Variants in WLS observed in about 807,000 individuals in gnomAD.
WLS encodes Wnt ligand secretion mediator.
Under a neutral mutation model 62.8 loss-of-function variants are expected in WLS, and 23 were observed. The observed-to-expected ratio is 0.37, with a 90% confidence interval of 0.26 to 0.52. WLS has a LOEUF of 0.52. WLS is among the 20% of genes least tolerant of loss of function. The pLI, the probability that WLS is intolerant of heterozygous loss-of-function variation, is 0.92. For missense variants in WLS, 615 were observed against 697.3 expected, an observed-to-expected ratio of 0.88 and a Z score of 1.33; for synonymous variants, 246 against 244.1, an observed-to-expected ratio of 1.01 and a Z score of -0.07.
At chr1:68,152,420 T>C (rs1016025607) in intron 5 of WLS, among the ~76,000 whole-genome samples, 1 of 151,828 alleles carries the variant, frequency 6.6e-6, no homozygotes, top group Non-Finnish European at 1.5e-5. Context: ...TCTGGAAAGA[T>C]GGAAGGAGAC....
chr1:68,193,424 AAAAAAAAAAAAAAAAAAACG>A, intron 2 of WLS, among the ~76,000 whole-genome samples: 1 of 136,032 alleles, frequency 7.4e-6, no homozygotes, highest in African/African-American at 3.4e-5. Context: ...AAAAAAAAAA[AAAAAAAAAAAAAAAAAAACG>A]AAAAAAAAAC....
At chr1:68,098,879 G>A (rs2100279503) in intron 11 of WLS, 1 of 1,396,108 alleles carries the variant, frequency 7.2e-7, no homozygotes, top group South Asian at 1.6e-5. Context: ...CTAGTGGAGT[G>A]TTTGAAATTT....
chr1:68,170,399 C>G (rs1009280390), intron 2 of WLS, among the ~76,000 whole-genome samples: 2 of 151,948 alleles, frequency 1.3e-5, no homozygotes, highest in Non-Finnish European at 2.9e-5. Context: ...AACTCCCAAC[C>G]TCAGGTGATC....
chr1:68,215,750 A>T (rs747618581), intron 1 of WLS, among the ~76,000 whole-genome samples: 13 of 152,238 alleles, frequency 8.5e-5, no homozygotes, highest in Non-Finnish European at 1.8e-4. Context: ...CACTAAAAAT[A>T]ACCTTTCAAT....
At chr1:68,133,742 TC>T (rs1237406096) in intron 11 of WLS, among the ~76,000 whole-genome samples, 1 of 152,236 alleles carries the variant, frequency 6.6e-6, no homozygotes. Flanking sequence ...AAAAAGTCTA[TC>T]GTGAAATGCT....
At chr1:68,112,083 G>A (rs572099749) in intron 11 of WLS, among the ~76,000 whole-genome samples, 6 of 152,320 alleles carry the variant, frequency 3.9e-5, no homozygotes, top group Admixed American at 1.3e-4. Context: ...GAAAACATTC[G>A]CTGGCTGTGG....
intron 1 of WLS, among the ~76,000 whole-genome samples, chr1:68,210,963 G>C (rs1001592912): frequency 6.6e-6 from 1 of 151,902 alleles, no homozygotes; most frequent in African/African-American, 2.4e-5. Context: ...CCAACCCTCA[G>C]ACACTCTGAT....
In WLS at chr1:68,153,555, C is replaced by A. The variant is rs761216330; in HGVS notation, c.765G>T (p.Arg255Ser). The change falls in exon 5 of 12, where the codon AGG becomes AGT. Residue 255 changes from arginine to serine, a missense_variant. Arg to Ser is a moderately radical substitution (Grantham distance 110). Transcript: ENST00000262348. ...CTGGGGGTCGGGACATCATGGTGAT[C>A]CTCCTCCAATACCACACCATAATGA... is the stretch of plus-strand genomic sequence containing the variant. ...IFIIMVWYWR[R>S]ITMMSRPPVL... 1 of 1,614,174 alleles carries A rather than the reference C, an allele frequency of 6.2e-7. No individual in the cohort carries two copies. Among genetic ancestry groups the A allele is most frequent in the Non-Finnish European group, 8.5e-7 (1 of 1,180,032 alleles).
intron 1 of WLS, among the ~76,000 whole-genome samples, chr1:68,196,863 C>A (rs1338399581): frequency 6.6e-6 from 1 of 152,122 alleles, no homozygotes; most frequent in Non-Finnish European, 1.5e-5. Context: ...ATGAGTCAAT[C>A]AAACTTTGGT....
intron 1 of WLS, among the ~76,000 whole-genome samples, chr1:68,222,717 G>T (rs917200582): frequency 2.6e-5 from 4 of 152,064 alleles, no homozygotes; most frequent in Admixed American, 6.5e-5. Flanking sequence ...AGTCTTGAAG[G>T]CCCTTTCATC....
rs555291690 is a variant in WLS at position 68,191,982 on chromosome 1, T to C, written c.379+1973A>G. 3.3e-5 allele frequency among the ~76,000 whole-genome samples: 5 copies of C among 152,324 alleles called. No homozygotes were observed. The South Asian group carries it at 8.3e-4, about 25-fold the overall frequency. On this transcript the variant is annotated intron_variant, in intron 2 of 11. Transcript: ENST00000262348. Reference sequence around the variant, plus strand: ...GTGAAGCCTTTTCTTTAAGTTTCCATATCCTCCTGGGCATAACTTGGTCAC... The same window carrying C: ...GTGAAGCCTTTTCTTTAAGTTTCCACATCCTCCTGGGCATAACTTGGTCAC...
intron 11 of WLS, among the ~76,000 whole-genome samples, chr1:68,131,541 C>A (rs1646525127): frequency 6.6e-6 from 1 of 152,162 alleles, no homozygotes; most frequent in South Asian, 2.1e-4. Flanking sequence ...TCATTTATTC[C>A]AGGCTTGGAG....
chr1:68,181,294 CT>C (rs1432272234), intron 2 of WLS, among the ~76,000 whole-genome samples: 1 of 152,200 alleles, frequency 6.6e-6, no homozygotes, highest in African/African-American at 2.4e-5. Context: ...GGATGTGCTG[CT>C]TCTGGCTTCT....
Position 68,232,238 on chromosome 1 carries a change from A to C in WLS, c.62T>G (p.Leu21Arg). ...TKKLCIVGGI[L>R]LVFQIIAFLV... The stretch of plus-strand genomic sequence containing the variant: ...AAAGGCGATGATTTGGAACACGAGC[A>C]GAATCCCACCAACAATGCACAGCTT... Residue 21 changes from leucine to arginine, a missense_variant, in exon 1 of 12, where the codon CTG (leucine) becomes CGG (arginine). Physicochemically the swap from Leu to Arg is moderately radical, Grantham distance 102. Transcript: ENST00000262348. The C allele has an allele frequency of 6.2e-7, 1 of 1,614,224 alleles. No homozygotes were observed. Among genetic ancestry groups the C allele is most frequent in the Non-Finnish European group, 8.5e-7 (1 of 1,180,036 alleles).
intron 1 of WLS, among the ~76,000 whole-genome samples, chr1:68,217,837 C>T (rs755527748): frequency 2.6e-4 from 39 of 152,156 alleles, no homozygotes; most frequent in East Asian, 1.9e-4. Flanking sequence ...GTTCCCCCAC[C>T]GCCCCCTGCT....
intron 5 of WLS, among the ~76,000 whole-genome samples, chr1:68,151,729 T>C (rs916394110): frequency 2.0e-5 from 3 of 151,906 alleles, no homozygotes; most frequent in African/African-American, 7.3e-5. Flanking sequence ...TAAAGGGGGC[T>C]GGTGGGTGGT....
At chr1:68,165,513 T>A (rs1647047943) in intron 2 of WLS, among the ~76,000 whole-genome samples, 1 of 152,026 alleles carries the variant, frequency 6.6e-6, no homozygotes, top group South Asian at 2.1e-4. Flanking sequence ...AGGTCTGGCT[T>A]CCCAAGAAGA....
rs116966191 is a variant in WLS at position 68,179,793 on chromosome 1, G to A, written c.379+14162C>T. On this transcript the variant is annotated intron_variant, in intron 2 of 11. Coordinates refer to ENST00000262348, the MANE Select transcript of WLS (RefSeq NM_024911.7). ...TCCCACTCTGCCAGTCAACAATCAC[G>A]GCTTCTCTGTGCACGTGTAGAATGA... Among the ~76,000 whole-genome samples the A allele has an allele frequency of 4.3e-4, 66 of 152,212 alleles. No individual in the cohort carries two copies. In the East Asian group the frequency reaches 8.7e-3, roughly 20 times the overall value.
chr1:68,174,400 A>G (rs866742786), intron 2 of WLS, among the ~76,000 whole-genome samples: 1 of 152,224 alleles, frequency 6.6e-6, no homozygotes. Context: ...CCCTTGATCA[A>G]TCAGCCAGGA....
Sources: gnomAD v4.1 joint callset for allele counts (sites outside exome capture counted in the v4.1 genomes callset) on GRCh38, gnomAD v4.1.1 for gene constraint, MANE v1.5 for transcripts, NCBI Gene and HGNC (gene_info 2026-07-23, HGNC 2026-07-21) for gene names.